Variants in FMN1 observed in about 807,000 individuals in gnomAD.
FMN1 encodes the protein formin 1, also known as formin-1.
In FMN1, 110 loss-of-function variants were observed where a neutral mutation model predicts 132.4. That is an observed-to-expected ratio of 0.83 (90% CI 0.71 to 0.97). The LOEUF is 0.97. FMN1 is among the 50% of genes least tolerant of loss of function. The pLI is 0.00. For synonymous variants in FMN1, 722 were observed against 651.7 expected (o/e 1.11, Z -1.64); for missense variants, 1,792 against 1,705.3 (o/e 1.05, Z -0.90).
intron 15 of FMN1, among the ~76,000 whole-genome samples, chr15:32,892,064 T>C (rs529651087): frequency 1.4e-4 from 22 of 152,318 alleles, no homozygotes; most frequent in Admixed American, 5.9e-4. Context: ...TCTTGTCTGA[T>C]TGCTCTGGCT....
Position 32,767,446 on chromosome 15 carries a change from A to G in FMN1, c.*6864T>C, listed in dbSNP as rs1383346917. 1.3e-5 allele frequency: 2 copies of G among 152,130 alleles called. No individual in the cohort carries two copies. Among genetic ancestry groups the G allele is most frequent in the Admixed American group, 6.5e-5 (1 of 15,272 alleles). 9.4% of individuals were successfully genotyped at this position (152,130 alleles called of 1,614,324 possible). On this transcript the variant is annotated 3_prime_UTR_variant, in exon 21 of 21. Transcript: ENST00000616417. ...GTTCTAGGCATGCAGGCCAGTGCTT[A>G]TTTTCCAGGCCAAAGCACGATCCCC... is the stretch of plus-strand genomic sequence containing the variant.
At chr15:33,127,387 TTACCA>T (rs1420505048) in intron 4 of FMN1, among the ~76,000 whole-genome samples, 6 of 152,184 alleles carry the variant, frequency 3.9e-5, no homozygotes, top group African/African-American at 1.4e-4. Context: ...ACCACCCACT[TTACCA>T]GTCTCAAAGG....
chr15:32,902,802 C>T (rs2034478), intron 12 of FMN1, among the ~76,000 whole-genome samples: 15,223 of 152,156 alleles, frequency 0.1, 979 homozygotes, highest in African/African-American at 0.18. Flanking sequence ...GAGCGACATA[C>T]TCTCCAGGCC....
chr15:33,083,602 G>GT (rs2038573328), intron 5 of FMN1, among the ~76,000 whole-genome samples: 1 of 152,164 alleles, frequency 6.6e-6, no homozygotes, highest in Admixed American at 6.5e-5. Context: ...CTCACCCTAT[G>GT]TATCTCTTGA....
intron 6 of FMN1, among the ~76,000 whole-genome samples, chr15:33,055,774 TAGAGTA>T (rs2141201091): frequency 6.6e-6 from 1 of 152,258 alleles, no homozygotes; most frequent in African/African-American, 2.4e-5. Context: ...CCAGATTCAT[TAGAGTA>T]AAACTGAGAA....
chr15:32,898,736 T>C (rs1220845316), intron 15 of FMN1, 98 bp downstream of exon 15: 1 of 771,660 alleles, frequency 1.3e-6, no homozygotes, highest in Non-Finnish European at 2.3e-6. Flanking sequence ...TATTCTATGT[T>C]GGGCTTGCAG....
chr15:32,996,667 A>T (rs906859392), intron 7 of FMN1, among the ~76,000 whole-genome samples: 28 of 152,334 alleles, frequency 1.8e-4, no homozygotes, highest in African/African-American at 6.7e-4. Flanking sequence ...TTCCTCCAGG[A>T]CACAGAGGAA....
chr15:32,832,310 G>A (rs1185713996), intron 17 of FMN1, among the ~76,000 whole-genome samples: 8 of 152,098 alleles, frequency 5.3e-5, no homozygotes, highest in African/African-American at 1.9e-4. Context: ...TCTGTTTGTG[G>A]TGTATAAAAT....
intron 7 of FMN1, among the ~76,000 whole-genome samples, chr15:32,979,572 A>G (rs962160521): frequency 1.3e-5 from 2 of 151,610 alleles, no homozygotes; most frequent in East Asian, 1.9e-4. Flanking sequence ...AAAAAAAAAA[A>G]AAAAAAAGAA....
intron 4 of FMN1, among the ~76,000 whole-genome samples, chr15:33,122,145 C>T (rs1183645816): frequency 1.3e-5 from 2 of 152,152 alleles, no homozygotes; most frequent in African/African-American, 4.8e-5. Context: ...ACAAATTATC[C>T]CTTGTCCACG....
rs61738535 is a variant in FMN1, at chr15:33,153,350, G to A, written c.1565C>T (p.Ser522Leu). The part of the protein sequence containing the change: ...STHKQTSPVP[S>L]PLSPRLPSPQ... The stretch of plus-strand genomic sequence containing the variant: ...GCTGGGGAGCCTTGGAGACAGAGGC[G>A]AGGGAACAGGTGACGTCTGTTTGTG... Residue 522 changes from serine to leucine, a missense_variant, in exon 4 of 21, where the codon TCG (serine) becomes TTG (leucine). Physicochemically the swap from Ser to Leu is moderately radical, Grantham distance 145. Transcript: ENST00000616417. 4,130 of 1,536,360 alleles carry A rather than the reference G, an allele frequency of 2.7e-3. 100 individuals are homozygous for A. The African/African-American group carries it at 0.051, about 19-fold the overall frequency.
At chr15:32,890,677 T>C (rs2060005940) in intron 15 of FMN1, among the ~76,000 whole-genome samples, 1 of 152,224 alleles carries the variant, frequency 6.6e-6, no homozygotes, top group Non-Finnish European at 1.5e-5. Flanking sequence ...GTCAGATGTA[T>C]AGATTGTAAA....
At chr15:32,908,214 T>A (rs958357890) in intron 12 of FMN1, 3 of 307,896 alleles carry the variant, frequency 9.7e-6, no homozygotes, top group Non-Finnish European at 1.8e-5. Flanking sequence ...GTCAAATTGT[T>A]TAGTCTAGGA....
chr15:33,123,107 C>A (rs1412950552), intron 4 of FMN1, among the ~76,000 whole-genome samples: 2 of 150,960 alleles, frequency 1.3e-5, no homozygotes, highest in Non-Finnish European at 2.9e-5. Context: ...TCTAGAATGC[C>A]TTTCTTTCAA....
intron 4 of FMN1, among the ~76,000 whole-genome samples, chr15:33,128,417 T>C (rs1257502974): frequency 6.6e-6 from 1 of 152,202 alleles, no homozygotes; most frequent in Non-Finnish European, 1.5e-5. Flanking sequence ...ATCAACAAAA[T>C]CATTCTTTCT....
chr15:32,897,806 C>G (rs959603980), intron 15 of FMN1, among the ~76,000 whole-genome samples: 2 of 152,030 alleles, frequency 1.3e-5, no homozygotes, highest in African/African-American at 2.4e-5. Context: ...GTCTTAAAAC[C>G]TGGGTAAGCT....
chr15:33,089,531 A>G (rs1360516354), intron 4 of FMN1, among the ~76,000 whole-genome samples: 1 of 152,252 alleles, frequency 6.6e-6, no homozygotes, highest in Non-Finnish European at 1.5e-5. Flanking sequence ...AGTCTAGCTT[A>G]TTCTAACCTA....
intron 7 of FMN1, among the ~76,000 whole-genome samples, chr15:32,971,817 A>G (rs1221839699): frequency 6.6e-6 from 1 of 152,176 alleles, no homozygotes; most frequent in Non-Finnish European, 1.5e-5. Context: ...CTCCCCTATC[A>G]GATTATAAAC....
chr15:32,794,397 G>A (rs1438108163), intron 19 of FMN1, among the ~76,000 whole-genome samples: 3 of 151,996 alleles, frequency 2.0e-5, no homozygotes, highest in Admixed American at 2.0e-4. Context: ...CTTTATTCCT[G>A]GAGTCATGAC....
Sources: gnomAD v4.1 joint callset for allele counts (sites outside exome capture counted in the v4.1 genomes callset) on GRCh38, gnomAD v4.1.1 for gene constraint, MANE v1.5 for transcripts, NCBI Gene and HGNC (gene_info 2026-07-23, HGNC 2026-07-21) for gene names.